Variants in INSR observed in about 807,000 individuals in gnomAD.
INSR encodes IR.
A neutral mutation model predicts 142.6 loss-of-function variants in INSR; 67 were observed. The ratio of observed to expected loss-of-function variants is 0.47; its 90% CI spans 0.39 to 0.58. The LOEUF (loss-of-function observed/expected upper bound fraction) is 0.58. Among genes scored for constraint, INSR ranks in the 20% least tolerant of loss-of-function variants. The pLI is 0.00. For missense variants in INSR, 1,248 were observed against 1,833.2 expected (o/e 0.68, Z 5.83); for synonymous variants, 756 against 743.1 (o/e 1.02, Z -0.28).
intron 2 of INSR, among the ~76,000 whole-genome samples, chr19:7,184,926 C>T (rs1016471621): frequency 6.6e-6 from 1 of 152,098 alleles, no homozygotes; most frequent in Non-Finnish European, 1.5e-5. Context: ...TAGCATTTGC[C>T]GATTTCCATG....
In INSR at chr19:7,216,886, A is replaced by G. The variant is rs1022565097; in HGVS notation, c.653-32249T>C. On this transcript the variant is annotated intron_variant, in intron 2 of 21. Coordinates refer to ENST00000302850, the MANE Select transcript of INSR (RefSeq NM_000208.4). This position sits in a 1 kb window ranked among gnomAD's most constrained non-coding sequence, Gnocchi z 4.2. ...GAGTGCAATGGTGCAATCATGGCTC[A>G]CTGCAGCCTCGAACTCCTGGGCTCA... Among the ~76,000 whole-genome samples, 1 of 151,280 alleles carries G rather than the reference A, an allele frequency of 6.6e-6. No homozygotes were observed.
chr19:7,146,478 G>A (rs1599901637), intron 11 of INSR, among the ~76,000 whole-genome samples: 1 of 151,890 alleles, frequency 6.6e-6, no homozygotes, highest in East Asian at 1.9e-4. Flanking sequence ...TTGACCTTGT[G>A]ATCCGCCCCC....
intron 1 of INSR, among the ~76,000 whole-genome samples, chr19:7,273,198 T>C (rs1047978394): frequency 6.6e-6 from 1 of 152,240 alleles, no homozygotes; most frequent in South Asian, 2.1e-4. Flanking sequence ...GCTATAATTG[T>C]AGGGAACAAT....
At chr19:7,162,650 G>A (rs1275270161) in intron 9 of INSR, among the ~76,000 whole-genome samples, 6 of 151,376 alleles carry the variant, frequency 4.0e-5, no homozygotes, top group Non-Finnish European at 5.9e-5. Flanking sequence ...GAGAAACCCC[G>A]TCCCTACTAA....
At chr19:7,138,510 C>T (rs1412098575) in intron 13 of INSR, among the ~76,000 whole-genome samples, 1 of 152,098 alleles carries the variant, frequency 6.6e-6, no homozygotes, top group Non-Finnish European at 1.5e-5. Context: ...GTAGATGGGA[C>T]TACAGGCATA....
intron 2 of INSR, among the ~76,000 whole-genome samples, chr19:7,220,106 G>A (rs374721091): frequency 9.9e-5 from 15 of 152,204 alleles, no homozygotes; most frequent in Admixed American, 8.5e-4. Context: ...AGCTGGCTCT[G>A]GGAATAGAGT....
intron 2 of INSR, among the ~76,000 whole-genome samples, chr19:7,256,346 G>A (rs545862345): frequency 2.0e-5 from 3 of 152,244 alleles, no homozygotes; most frequent in East Asian, 1.9e-4. Flanking sequence ...CTACTTGGGA[G>A]GCTGAGGCAG....
rs994300205 is a variant in INSR, at chr19:7,168,722, A to G, written c.1484-628T>C. Among the ~76,000 whole-genome samples, 19 of 151,476 alleles carry G rather than the reference A, an allele frequency of 1.3e-4. No individual in the cohort carries two copies. The highest frequency in any genetic ancestry group is 4.6e-4 in the African/African-American group (19 of 41,220). On this transcript the variant is annotated intron_variant, in intron 6 of 21. Transcript: ENST00000302850. The surrounding 1 kb of genome is among the most constrained non-coding windows in gnomAD (Gnocchi z 4.3). ...AGCAATTCTCATGCCTCAGCCTCTC[A>G]AGTAGCTGGGATTACAGGCACCCAC...
chr19:7,144,947 T>A (rs1973154579), intron 11 of INSR, among the ~76,000 whole-genome samples: 1 of 150,492 alleles, frequency 6.6e-6, no homozygotes, highest in Admixed American at 6.6e-5. Flanking sequence ...CCTTAATAGT[T>A]TTTTTTTTTC....
chr19:7,218,039 GT>G (rs1975489446), intron 2 of INSR, among the ~76,000 whole-genome samples: 1 of 152,198 alleles, frequency 6.6e-6, no homozygotes, highest in Admixed American at 6.5e-5. Context: ...GGATGGGATG[GT>G]GACGGAGATA....
intron 2 of INSR, among the ~76,000 whole-genome samples, chr19:7,218,624 T>A (rs112630404): frequency 0.13 from 19,358 of 152,178 alleles, 1,557 homozygotes; most frequent in Non-Finnish European, 0.19. Context: ...CACTGCAACC[T>A]CTGCCTCCTG....
At chr19:7,274,628 G>A (rs554565273) in intron 1 of INSR, among the ~76,000 whole-genome samples, 2 of 151,566 alleles carry the variant, frequency 1.3e-5, no homozygotes, top group South Asian at 4.2e-4. Flanking sequence ...GTGAAACCCC[G>A]TCTCTACTAA....
intron 2 of INSR, among the ~76,000 whole-genome samples, chr19:7,226,363 T>C (rs190974648): frequency 3.0e-4 from 41 of 137,670 alleles, no homozygotes; most frequent in African/African-American, 1.1e-3. Context: ...TGAGCCAAGA[T>C]CGCACCACTG....
chr19:7,277,740 T>C (rs1421334115), intron 1 of INSR, among the ~76,000 whole-genome samples: 2 of 151,854 alleles, frequency 1.3e-5, no homozygotes, highest in Non-Finnish European at 2.9e-5. Context: ...GAGGCTGCAG[T>C]GAGCTATGAC....
intron 2 of INSR, among the ~76,000 whole-genome samples, chr19:7,238,691 G>T (rs537930553): frequency 1.3e-5 from 2 of 149,410 alleles, no homozygotes; most frequent in Non-Finnish European, 3.0e-5. Context: ...CTCATCTCTC[G>T]TCTCAGCCTT....
At chr19:7,173,940 AAC>A (rs889597746) in intron 4 of INSR, among the ~76,000 whole-genome samples, 103 of 151,980 alleles carry the variant, frequency 6.8e-4, no homozygotes, top group Non-Finnish European at 8.7e-4. Context: ...TATTTCTGAA[AAC>A]ACAGCCTGCA....
chr19:7,248,485 CAAAA>C (rs758091489), intron 2 of INSR, among the ~76,000 whole-genome samples: 2 of 35,410 alleles, frequency 5.6e-5, no homozygotes, highest in Middle Eastern at 0.028. Flanking sequence ...GACCCCATCT[CAAAA>C]AAAAAAAAAA....
chr19:7,242,734 CAAA>C (rs71177186), intron 2 of INSR, among the ~76,000 whole-genome samples: 3 of 92,144 alleles, frequency 3.3e-5, no homozygotes, highest in African/African-American at 1.0e-4. Flanking sequence ...GAGACTGCCT[CAAA>C]AAAAAAAAAA....
intron 1 of INSR, among the ~76,000 whole-genome samples, chr19:7,282,644 T>C (rs1968234904): frequency 6.6e-6 from 1 of 151,688 alleles, no homozygotes; most frequent in East Asian, 1.9e-4. Flanking sequence ...ATCGTGACAC[T>C]GCATTCCAGC....
Sources: gnomAD v4.1 joint callset for allele counts (sites outside exome capture counted in the v4.1 genomes callset) on GRCh38, gnomAD v4.1.1 for gene constraint, Gnocchi (gnomAD v3.1) non-coding constraint, MANE v1.5 for transcripts, NCBI Gene and HGNC (gene_info 2026-07-23, HGNC 2026-07-21) for gene names.